The following CFAP299 variants were observed in gnomAD, a reference collection of about 807,000 sequenced individuals.
CFAP299 encodes cilia and flagella associated protein 299, also known as cilia- and flagella-associated protein 299.
A neutral mutation model predicts 27.0 loss-of-function variants in CFAP299; 21 were observed. That is an observed-to-expected ratio of 0.78 (90% confidence interval 0.55 to 1.12). CFAP299 has a LOEUF of 1.12. CFAP299 is among the 50% of genes most tolerant of loss of function. The pLI, the probability that CFAP299 is intolerant of heterozygous loss-of-function variation, is 0.00. For synonymous variants in CFAP299, 104 were observed against 98.1 expected (o/e 1.06, Z -0.36); for missense variants, 310 against 276.6 (o/e 1.12, Z -0.86).
In CFAP299 at chr4:80,591,102, GA is replaced by G. The variant is rs142118325; in HGVS notation, c.333+7922del. Among the ~76,000 whole-genome samples the G allele has an allele frequency of 1.5e-3, 145 of 96,618 alleles. 6 individuals carry two copies. Among genetic ancestry groups the G allele is most frequent in the Non-Finnish European group, 1.9e-3 (87 of 45,898 alleles). 63.4% of individuals were successfully genotyped at this position (96,618 alleles called of 152,430 possible). ...CAAGAAACAGATTATAATACTTTAG[GA>G]AATTTTTTTTTTTTTTTTTTTTTTT... On this transcript the variant is annotated intron_variant, in intron 3 of 5. Transcript: ENST00000358105.
At chr4:80,775,216 C>T (rs938625322) in intron 3 of CFAP299, among the ~76,000 whole-genome samples, 2 of 151,536 alleles carry the variant, frequency 1.3e-5, no homozygotes, top group Admixed American at 6.6e-5. Flanking sequence ...AATAAATATG[C>T]TTCTAATTAA....
intron 3 of CFAP299, among the ~76,000 whole-genome samples, chr4:80,734,439 T>C (rs1723737528): frequency 6.6e-6 from 1 of 152,146 alleles, no homozygotes; most frequent in African/African-American, 2.4e-5. Flanking sequence ...TGTTGATTAT[T>C]TCCTTTGCTA....
intron 2 of CFAP299, among the ~76,000 whole-genome samples, chr4:80,483,970 G>C (rs965648084): frequency 1.3e-5 from 2 of 152,204 alleles, no homozygotes; most frequent in East Asian, 3.9e-4. Flanking sequence ...TAGGTACAAG[G>C]CATACTTGAA....
At chr4:80,426,656 A>G (rs1727545225) in intron 2 of CFAP299, among the ~76,000 whole-genome samples, 1 of 152,216 alleles carries the variant, frequency 6.6e-6, no homozygotes, top group Non-Finnish European at 1.5e-5. Flanking sequence ...TATGTTTAGC[A>G]AGCACTTCTG....
At position 80,493,759 on chromosome 4, in the gene CFAP299, C is replaced by CTT. The variant is rs1177389983; in HGVS notation, c.243-89308_243-89307dup. Among the ~76,000 whole-genome samples the CTT allele has an allele frequency of 1.1e-3, 81 of 76,770 alleles. 2 individuals are homozygous for CTT. Among genetic ancestry groups the CTT allele is most frequent in the East Asian group, 1.8e-3 (4 of 2,220 alleles). The allele number at this position is 76,770 out of a possible 152,430, so 50.4% of individuals were successfully genotyped here. A position where few individuals can be genotyped will look rare whatever the true frequency, so the allele number is the denominator to read the frequency against. ...ATCTGTCTCTTTTCTATCTCATATT[C>CTT]TTTTTTTTTTTTTTTTTTTTTTTTT... On this transcript the variant is annotated intron_variant, in intron 2 of 5. Coordinates refer to ENST00000358105, the MANE Select transcript of CFAP299 (RefSeq NM_152770.3).
intron 2 of CFAP299, among the ~76,000 whole-genome samples, chr4:80,531,753 T>G (rs987880106): frequency 9.3e-4 from 118 of 126,648 alleles, no homozygotes; most frequent in Admixed American, 2.5e-3. Context: ...AGAAGTTTTT[T>G]TTTTTTTTTT....
chr4:80,940,081 T>C (rs1054784363), intron 4 of CFAP299, among the ~76,000 whole-genome samples: 3 of 152,094 alleles, frequency 2.0e-5, no homozygotes, highest in Admixed American at 6.6e-5. Context: ...GCAGCGCACA[T>C]AGAATGAAGA....
At chr4:80,370,216 A>C (rs1578364369) in intron 2 of CFAP299, among the ~76,000 whole-genome samples, 1 of 152,240 alleles carries the variant, frequency 6.6e-6, no homozygotes, top group South Asian at 2.1e-4. Context: ...CACTATTGCA[A>C]GGAGAGTACC....
intron 3 of CFAP299, among the ~76,000 whole-genome samples, chr4:80,858,572 T>C (rs1304251059): frequency 6.6e-6 from 1 of 152,174 alleles, no homozygotes; most frequent in Admixed American, 6.5e-5. Flanking sequence ...CTCTACACAC[T>C]GCTTTGAATG....
chr4:80,779,925 C>T lies in CFAP299; in HGVS notation c.334-90068C>T, dbSNP rs1726776226. On this transcript the variant is annotated intron_variant, in intron 3 of 5. Coordinates refer to ENST00000358105, the MANE Select transcript of CFAP299 (RefSeq NM_152770.3). ...TAAATGTTCTCCGGAATCTCATTGACTCAAAGCCTCCATACTGTGGAGCAG... is the reference window on the plus strand; with the variant it reads ...TAAATGTTCTCCGGAATCTCATTGATTCAAAGCCTCCATACTGTGGAGCAG... 2.0e-5 allele frequency among the ~76,000 whole-genome samples: 3 copies of T among 152,056 alleles called. No individual in the cohort carries two copies. In the South Asian group the frequency reaches 6.2e-4, roughly 31 times the overall value.
At chr4:80,655,982 G>C (rs1740536766) in intron 3 of CFAP299, among the ~76,000 whole-genome samples, 1 of 152,168 alleles carries the variant, frequency 6.6e-6, no homozygotes, top group Admixed American at 6.6e-5. Flanking sequence ...GCTGGAAGTT[G>C]CTTAAATGAT....
intron 2 of CFAP299, among the ~76,000 whole-genome samples, chr4:80,512,248 G>A (rs544001688): frequency 5.9e-5 from 9 of 151,340 alleles, no homozygotes; most frequent in Non-Finnish European, 1.3e-4. Flanking sequence ...GTGTGTGCAT[G>A]TGTGTGTGTA....
At chr4:80,375,515 G>C (rs2110013707) in intron 2 of CFAP299, among the ~76,000 whole-genome samples, 1 of 152,318 alleles carries the variant, frequency 6.6e-6, no homozygotes, top group South Asian at 2.1e-4. Flanking sequence ...CTCATGGTGA[G>C]TGATCCAATC....
At chr4:80,838,051 G>T (rs1353290435) in intron 3 of CFAP299, among the ~76,000 whole-genome samples, 1 of 151,894 alleles carries the variant, frequency 6.6e-6, no homozygotes, top group Admixed American at 6.6e-5. Context: ...CCATATGTTT[G>T]CTGGCTGCAT....
chr4:80,654,909 C>T (rs1021000382), intron 3 of CFAP299, among the ~76,000 whole-genome samples: 2 of 150,910 alleles, frequency 1.3e-5, no homozygotes, highest in Admixed American at 6.6e-5. Flanking sequence ...AACCATCATA[C>T]CTAGCTATTC....
chr4:80,600,570 A>G (rs1247125784), intron 3 of CFAP299, among the ~76,000 whole-genome samples: 1 of 152,120 alleles, frequency 6.6e-6, no homozygotes, highest in Non-Finnish European at 1.5e-5. Context: ...ACAGTCTTTA[A>G]TAATTGTAAA....
At chr4:80,543,875 C>A in intron 2 of CFAP299, among the ~76,000 whole-genome samples, 1 of 152,054 alleles carries the variant, frequency 6.6e-6, no homozygotes, top group East Asian at 1.9e-4. Flanking sequence ...CAACCATCCC[C>A]AAGACACACA....
intron 2 of CFAP299, among the ~76,000 whole-genome samples, chr4:80,416,874 A>G (rs143707520): frequency 6.6e-6 from 1 of 152,308 alleles, no homozygotes; most frequent in Non-Finnish European, 1.5e-5. Context: ...AAGAGTTCCT[A>G]TCCAGACTCC....
chr4:80,447,133 T>TG (rs1560571617), intron 2 of CFAP299, among the ~76,000 whole-genome samples: 7 of 110,402 alleles, frequency 6.3e-5, no homozygotes, highest in African/African-American at 3.0e-4. Flanking sequence ...TTTTTTTGTT[T>TG]TTTTTTTTTT....
Sources: gnomAD v4.1 joint callset for allele counts (sites outside exome capture counted in the v4.1 genomes callset) on GRCh38, gnomAD v4.1.1 for gene constraint, MANE v1.5 for transcripts, NCBI Gene and HGNC (gene_info 2026-07-23, HGNC 2026-07-21) for gene names.